The following TPH2 variants were observed in gnomAD, a reference collection of about 807,000 sequenced individuals.
TPH2 encodes the protein tryptophan 5-hydroxylase 2.
A neutral mutation model predicts 59.1 loss-of-function variants in TPH2; 27 were observed. The observed-to-expected ratio is 0.46, with a 90% CI of 0.34 to 0.63. TPH2 has a LOEUF of 0.63. TPH2 is among the 30% of genes least tolerant of loss of function. TPH2 has a pLI of 0.01. For synonymous variants in TPH2, 220 were observed against 210.5 expected, an observed-to-expected ratio of 1.05 and a Z score of -0.39; for missense variants, 523 against 588.3, an observed-to-expected ratio of 0.89 and a Z score of 1.15.
At chr12:72,004,259 C>T (rs1276089716) in intron 8 of TPH2, among the ~76,000 whole-genome samples, 1 of 150,598 alleles carries the variant, frequency 6.6e-6, no homozygotes, top group East Asian at 2.0e-4. Flanking sequence ...AATTATATTA[C>T]CTCTTTTTGT....
In TPH2 at chr12:72,031,950, G is replaced by A. The variant is rs980972322; in HGVS notation, c.*255G>A. 2 of 491,496 alleles carry A rather than the reference G, an allele frequency of 4.1e-6. No individual in the cohort carries two copies. The highest frequency in any genetic ancestry group is 3.9e-5 in the African/African-American group (2 of 51,430). 30.4% of individuals were successfully genotyped at this position (491,496 alleles called of 1,614,324 possible). A position where few individuals can be genotyped will look rare whatever the true frequency, so the allele number is the denominator to read the frequency against. On this transcript the variant is annotated 3_prime_UTR_variant, in exon 11 of 11. Coordinates refer to ENST00000333850, the MANE Select transcript of TPH2 (RefSeq NM_173353.4). ...TAAAAAGATTTGACATTCCTGCTTAGTGTCCTTAACCAAACTGCATCTAGT... is the reference window on the plus strand; with the variant it reads ...TAAAAAGATTTGACATTCCTGCTTAATGTCCTTAACCAAACTGCATCTAGT...
At chr12:71,961,202 C>T (rs1871672280) in intron 5 of TPH2, among the ~76,000 whole-genome samples, 1 of 152,284 alleles carries the variant, frequency 6.6e-6, no homozygotes, top group Non-Finnish European at 1.5e-5. Flanking sequence ...TACTTACTAG[C>T]TGTTTGATCT....
intron 8 of TPH2, among the ~76,000 whole-genome samples, chr12:72,015,533 A>G (rs539574217): frequency 1.0e-3 from 152 of 151,768 alleles, no homozygotes; most frequent in African/African-American, 3.5e-3. Flanking sequence ...GTTAGCCAGG[A>G]TGGTCTCGAT....
At chr12:71,945,478 G>A (rs1871174941) in intron 4 of TPH2, among the ~76,000 whole-genome samples, 1 of 152,050 alleles carries the variant, frequency 6.6e-6, no homozygotes. Flanking sequence ...ATAAAAGAGT[G>A]AAACCCAAGC....
At chr12:71,971,301 T>C (rs1383709753) in intron 5 of TPH2, among the ~76,000 whole-genome samples, 1 of 152,208 alleles carries the variant, frequency 6.6e-6, no homozygotes, top group Non-Finnish European at 1.5e-5. Flanking sequence ...TTCCATATGT[T>C]GTACGTGTAT....
chr12:72,008,397 G>C (rs1041853988), intron 8 of TPH2, among the ~76,000 whole-genome samples: 1 of 152,164 alleles, frequency 6.6e-6, no homozygotes, highest in African/African-American at 2.4e-5. Context: ...ATCCTGAGAT[G>C]GGATGAGTTA....
At chr12:71,988,636 T>C (rs1166033504) in intron 7 of TPH2, among the ~76,000 whole-genome samples, 1 of 152,112 alleles carries the variant, frequency 6.6e-6, no homozygotes, top group Non-Finnish European at 1.5e-5. Context: ...TCCAGTCACC[T>C]CCCACCAGGC....
intron 7 of TPH2, among the ~76,000 whole-genome samples, chr12:71,982,950 T>G (rs1872326102): frequency 6.6e-6 from 1 of 152,228 alleles, no homozygotes; most frequent in African/African-American, 2.4e-5. Flanking sequence ...TCTTTTTACA[T>G]TTTACAGTTT....
At chr12:71,961,336 G>A (rs1871675777) in intron 5 of TPH2, among the ~76,000 whole-genome samples, 1 of 152,238 alleles carries the variant, frequency 6.6e-6, no homozygotes, top group African/African-American at 2.4e-5. Flanking sequence ...AACTATTATA[G>A]TATTGTTATT....
At chr12:72,024,445 T>A (rs114615423) in intron 9 of TPH2, among the ~76,000 whole-genome samples, 10,619 of 152,276 alleles carry the variant, frequency 0.07, 884 homozygotes, top group African/African-American at 0.19. Context: ...GTAATTTTTT[T>A]AAAAAGTAAA....
intron 6 of TPH2, among the ~76,000 whole-genome samples, chr12:71,977,501 C>G (rs1023209763): frequency 6.6e-6 from 1 of 151,962 alleles, no homozygotes; most frequent in African/African-American, 2.4e-5. Flanking sequence ...GCACATATAA[C>G]TATATGAGAA....
chr12:71,944,572 A>G lies in TPH2; in HGVS notation c.440-14A>G. The G allele has an allele frequency of 6.2e-7, 1 of 1,613,392 alleles. No individual in the cohort carries two copies. The highest frequency in any genetic ancestry group is 1.1e-5 in the South Asian group (1 of 91,072). On this transcript the variant is annotated splice_polypyrimidine_tract_variant and intron_variant, in intron 3 of 10. Transcript: ENST00000333850. ...TGTGAACTAATATTTTTGAACCTGC[A>G]CTGTTTTCAACAGAGCTAGAGGATG... is the stretch of plus-strand genomic sequence containing the variant.
At chr12:71,968,522 C>T (rs1235426668) in intron 5 of TPH2, among the ~76,000 whole-genome samples, 1 of 152,230 alleles carries the variant, frequency 6.6e-6, no homozygotes, top group African/African-American at 2.4e-5. Context: ...AGACACTCTC[C>T]CAGGGACTGT....
chr12:71,962,507 T>C (rs968680740), intron 5 of TPH2: 17 of 985,022 alleles, frequency 1.7e-5, no homozygotes, highest in Non-Finnish European at 2.0e-5. Context: ...AACCCTTATA[T>C]GTAAATTGTA....
intron 6 of TPH2, among the ~76,000 whole-genome samples, chr12:71,978,618 T>G (rs902310657): frequency 6.6e-6 from 1 of 152,194 alleles, no homozygotes; most frequent in African/African-American, 2.4e-5. Context: ...CCAGGTAATG[T>G]GCGGTAAGCA....
chr12:71,970,785 T>A (rs1268503529), intron 5 of TPH2, among the ~76,000 whole-genome samples: 1 of 152,260 alleles, frequency 6.6e-6, no homozygotes. Flanking sequence ...GTTGTAATTT[T>A]TTATTTGTTA....
chr12:71,992,485 T>A (rs2139220240), intron 7 of TPH2, among the ~76,000 whole-genome samples: 1 of 148,788 alleles, frequency 6.7e-6, no homozygotes, highest in Non-Finnish European at 1.5e-5. Flanking sequence ...GCGCCTGTAG[T>A]CCCAACTACT....
intron 5 of TPH2, among the ~76,000 whole-genome samples, chr12:71,955,946 C>A (rs1399727243): frequency 6.6e-6 from 1 of 152,170 alleles, no homozygotes; most frequent in Non-Finnish European, 1.5e-5. Flanking sequence ...CACATAGTTT[C>A]TGAGTATCAA....
chr12:72,025,632 C>T (rs1486828386), intron 9 of TPH2, among the ~76,000 whole-genome samples: 1 of 152,066 alleles, frequency 6.6e-6, no homozygotes, highest in Non-Finnish European at 1.5e-5. Flanking sequence ...AATGGTTGCC[C>T]CTCTCTTATT....
Sources: gnomAD v4.1 joint callset for allele counts (sites outside exome capture counted in the v4.1 genomes callset) on GRCh38, gnomAD v4.1.1 for gene constraint, MANE v1.5 for transcripts, NCBI Gene and HGNC (gene_info 2026-07-23, HGNC 2026-07-21) for gene names.